The following HEXB variants were observed in gnomAD, a reference collection of about 807,000 sequenced individuals.
The protein encoded by HEXB is hexosaminidase subunit beta.
HEXB carries 51 observed loss-of-function variants against 71.2 expected under a neutral mutation model. The ratio of observed to expected loss-of-function variants is 0.72; its 90% CI spans 0.57 to 0.90. HEXB has a LOEUF of 0.90. HEXB is among the 40% of genes least tolerant of loss of function. The pLI is 0.00. For synonymous variants in HEXB, 266 were observed against 249.3 expected (o/e 1.07, Z -0.63); for missense variants, 617 against 677.0 (o/e 0.91, Z 0.98).
chr5:74,720,483 A>G lies in HEXB; in HGVS notation c.1473A>G (p.Glu491=), dbSNP rs1749803171. ...GTGGAGAAGCTTGTCTATGGGGAGA[A>G]TATGTGGATGCAACTAACCTCACTC... ...FIGGEACLWG[E]YVDATNLTPR... Residue 491 remains glutamate (E), a synonymous_variant, in exon 12 of 14, where the codon GAA becomes GAG. Transcript: ENST00000261416. 6.2e-7 allele frequency: 1 copy of G among 1,613,764 alleles called. No homozygotes were observed. Among genetic ancestry groups the G allele is most frequent in the Non-Finnish European group, 8.5e-7 (1 of 1,179,600 alleles).
chr5:74,681,412 G>A (rs763922755), upstream of HEXB, among the ~76,000 whole-genome samples: 10 of 152,092 alleles, frequency 6.6e-5, no homozygotes, highest in Non-Finnish European at 1.2e-4. Context: ...TAGTGCTGAG[G>A]TTGAGAAACC....
intron 1 of HEXB, among the ~76,000 whole-genome samples, chr5:74,686,050 C>G (rs1212619317): frequency 6.6e-6 from 1 of 152,112 alleles, no homozygotes; most frequent in African/African-American, 2.4e-5. Context: ...TCCTCAGTTT[C>G]GAGCACTGCC....
rs765141816 is a variant in HEXB, at chr5:74,718,879, C to A, written c.1325C>A (p.Pro442His). The change falls in exon 11 of 14, where the codon CCT (proline) becomes CAT (histidine). Residue 442 changes from proline to histidine, a missense_variant. Physicochemically the swap from Pro to His is moderately conservative, Grantham distance 77. Coordinates refer to ENST00000261416, the MANE Select transcript of HEXB (RefSeq NM_000521.4). ...AGTAGAGTCACAGCATCTGGCTTCC[C>A]TGTAATCCTTTCTGCTCCTTGGTAC... ...ELSRVTASGF[P>H]VILSAPWYLD... The A allele has an allele frequency of 1.2e-6, 2 of 1,614,002 alleles. No homozygotes were observed. The highest frequency in any genetic ancestry group is 2.2e-5 in the South Asian group (2 of 91,082).
intron 6 of HEXB, among the ~76,000 whole-genome samples, chr5:74,709,963 AG>A (rs1328378986): frequency 6.6e-6 from 1 of 151,418 alleles, no homozygotes; most frequent in Non-Finnish European, 1.5e-5. Flanking sequence ...CTGATACCAA[AG>A]CCGGGCAGAG....
At chr5:74,672,007 C>T (rs902643050) in intron 1 of HEXB, among the ~76,000 whole-genome samples, 1 of 152,242 alleles carries the variant, frequency 6.6e-6, no homozygotes, top group Admixed American at 6.5e-5. Context: ...CTGTGCCTCA[C>T]ACTGGAATTT....
At chr5:74,705,355 CAT>C in intron 6 of HEXB, 35 bp downstream of exon 6, 1 of 1,098,252 alleles carries the variant, frequency 9.1e-7, no homozygotes, top group Non-Finnish European at 1.4e-6. Flanking sequence ...TCTACAAAAA[CAT>C]TGGGTATAGT....
chr5:74,671,438 C>T (rs1444123783), intron 1 of HEXB, among the ~76,000 whole-genome samples: 3 of 151,716 alleles, frequency 2.0e-5, no homozygotes, highest in Admixed American at 6.6e-5. Flanking sequence ...CCATATGGTA[C>T]ATTTGTATAC....
At chr5:74,718,258 T>G (rs771298165) in intron 9 of HEXB, 33 bp from the exon 10 acceptor site, 1 of 1,301,380 alleles carries the variant, frequency 7.7e-7, no homozygotes, top group South Asian at 1.2e-5. Flanking sequence ...AAGCTTATGA[T>G]CTAAAATAAC....
rs1749790364 is a variant in HEXB at position 74,720,183 on chromosome 5, C to T, written c.1418-245C>T. ...TGGCCCACTACATTAATCTATGGTGCTAACACGTGCTGTGAACCGTGGGTC... is the reference window on the plus strand; with the variant it reads ...TGGCCCACTACATTAATCTATGGTGTTAACACGTGCTGTGAACCGTGGGTC... On this transcript the variant is annotated intron_variant, in intron 11 of 13. Transcript: ENST00000261416. 1.5e-5 allele frequency: 8 copies of T among 531,658 alleles called. No individual in the cohort carries two copies. The South Asian group carries it at 1.6e-4, about 11-fold the overall frequency. 32.9% of individuals were successfully genotyped at this position (531,658 alleles called of 1,614,324 possible). A position where few individuals can be genotyped will look rare whatever the true frequency, so the allele number is the denominator to read the frequency against.
At chr5:74,642,274 T>A (rs1245638973) in intron 1 of HEXB, among the ~76,000 whole-genome samples, 1 of 152,102 alleles carries the variant, frequency 6.6e-6, no homozygotes, top group Non-Finnish European at 1.5e-5. Flanking sequence ...ATATATTTTT[T>A]AATGCAGAGT....
rs112310655 is a variant in HEXB at position 74,656,781 on chromosome 5, A to G, written c.-377+16223A>G. ...CACATGCCACCACACCCAGCTAATTATTGTATTTTTAGTGGAGACGGGGTT... is the reference window on the plus strand; with the variant it reads ...CACATGCCACCACACCCAGCTAATTGTTGTATTTTTAGTGGAGACGGGGTT... On this transcript the variant is annotated intron_variant, in intron 1 of 13. Transcript: ENST00000511181. Among the ~76,000 whole-genome samples, 63 of 151,844 alleles carry G rather than the reference A, an allele frequency of 4.1e-4. 1 individual carries two copies. The highest frequency in any genetic ancestry group is 2.0e-4 in the East Asian group (1 of 5,108).
intron 9 of HEXB, 48 bp downstream of exon 9, chr5:74,716,721 T>C (rs747587355): frequency 8.5e-7 from 1 of 1,181,312 alleles, no homozygotes; most frequent in Admixed American, 1.8e-5. Context: ...TTTGTAAAAG[T>C]TTATTTAGTA....
In HEXB at chr5:74,697,184, A is replaced by G. The variant is rs555415247; in HGVS notation, c.669+78A>G. 153 of 785,134 alleles carry G rather than the reference A, an allele frequency of 1.9e-4. 2 individuals are homozygous for G. In the South Asian group the frequency reaches 2.1e-3, roughly 11 times the overall value. 48.6% of individuals were successfully genotyped at this position (785,134 alleles called of 1,614,324 possible). On this transcript the variant is annotated intron_variant, in intron 5 of 13. Coordinates refer to ENST00000261416, the MANE Select transcript of HEXB (RefSeq NM_000521.4). ...ATGTTGTAACTTTATGTTGGTTACT[A>G]TTGTGTAGTTTGGAACAGGGGAATT...
chr5:74,679,840 C>A (rs1748706790), intron 1 of HEXB, among the ~76,000 whole-genome samples: 1 of 110,646 alleles, frequency 9.0e-6, no homozygotes, highest in South Asian at 3.0e-4. Flanking sequence ...GGCTTTCAGG[C>A]AGAAATCAAG....
At chr5:74,685,011 T>C, upstream of HEXB, 1 of 479,482 alleles carries the variant, frequency 2.1e-6, no homozygotes, top group Non-Finnish European at 3.7e-6. Flanking sequence ...AGCCATCCCG[T>C]GTTTGAGGTT....
intron 6 of HEXB, among the ~76,000 whole-genome samples, chr5:74,706,781 CAG>C (rs985359882): frequency 6.6e-6 from 1 of 151,860 alleles, no homozygotes; most frequent in African/African-American, 2.4e-5. Flanking sequence ...CTTAGGTAAA[CAG>C]AGCAGCCGGG....
At chr5:74,661,561 G>GTC (rs1288050532) in intron 1 of HEXB, among the ~76,000 whole-genome samples, 12 of 138,162 alleles carry the variant, frequency 8.7e-5, no homozygotes, top group African/African-American at 3.2e-4. Context: ...GTGTGTGTGT[G>GTC]TGTCTCTCTC....
chr5:74,709,300 G>C (rs1412294382), intron 6 of HEXB, among the ~76,000 whole-genome samples: 1 of 152,110 alleles, frequency 6.6e-6, no homozygotes, highest in African/African-American at 2.4e-5. Flanking sequence ...GCAGTGTGTA[G>C]AGGGAAATTT....
At chr5:74,680,165 A>C (rs1748712866) in intron 1 of HEXB, among the ~76,000 whole-genome samples, 2 of 152,234 alleles carry the variant, frequency 1.3e-5, no homozygotes, top group Admixed American at 1.3e-4. Flanking sequence ...TGAAAAAGGA[A>C]GGATGACTCG....
Sources: gnomAD v4.1 joint callset for allele counts (sites outside exome capture counted in the v4.1 genomes callset) on GRCh38, gnomAD v4.1.1 for gene constraint, MANE v1.5 for transcripts, NCBI Gene and HGNC (gene_info 2026-07-23, HGNC 2026-07-21) for gene names.